Variants in ANXA10 observed in about 807,000 individuals in gnomAD.
ANXA10 encodes annexin A10, also known as annexin 14.
In ANXA10, 49 loss-of-function variants were observed where a neutral mutation model predicts 53.5. That is an observed-to-expected ratio of 0.92 (90% confidence interval 0.73 to 1.16). The LOEUF is 1.16. Among genes scored for constraint, ANXA10 ranks in the 50% most tolerant of loss-of-function variants. ANXA10 has a pLI of 0.00. For missense variants in ANXA10, 393 were observed against 394.4 expected, an observed-to-expected ratio of 1.00 and a Z score of 0.03; for synonymous variants, 131 against 128.9, an observed-to-expected ratio of 1.02 and a Z score of -0.11.
At chr4:168,106,442 G>A (rs1327981346) in intron 1 of ANXA10, among the ~76,000 whole-genome samples, 3 of 151,964 alleles carry the variant, frequency 2.0e-5, no homozygotes, top group Non-Finnish European at 4.4e-5. Context: ...GTGTTCCATG[G>A]AACTCTTGGA....
rs572368542 is a variant in ANXA10, at chr4:168,118,082, C to T, written c.19-10002C>T. On this transcript the variant is annotated intron_variant, in intron 1 of 11. Transcript: ENST00000359299. ...TGCAAACTCCACACAGTATCACTGC[C>T]GGAGATTCTTTTTTTTTTTTTTCCT... Among the ~76,000 whole-genome samples the T allele has an allele frequency of 1.3e-4, 20 of 151,894 alleles. No homozygotes were observed. The East Asian group carries it at 2.5e-3, about 19-fold the overall frequency.
chr4:168,100,466 C>T (rs1730621741), intron 1 of ANXA10, among the ~76,000 whole-genome samples: 1 of 151,978 alleles, frequency 6.6e-6, no homozygotes, highest in Non-Finnish European at 1.5e-5. Flanking sequence ...AACTTTTTCC[C>T]TCCTTAAGCC....
chr4:168,114,149 C>T (rs566687424), intron 1 of ANXA10, among the ~76,000 whole-genome samples: 1 of 152,328 alleles, frequency 6.6e-6, no homozygotes, highest in African/African-American at 2.4e-5. Flanking sequence ...TATTATCCAA[C>T]ATTAGGTAAT....
chr4:168,153,465 A>AAAAAAAAAAAAT (rs1731539737), intron 3 of ANXA10, among the ~76,000 whole-genome samples: 1 of 110,146 alleles, frequency 9.1e-6, no homozygotes, highest in Non-Finnish European at 2.0e-5. Flanking sequence ...AAAACAAAAA[A>AAAAAAAAAAAAT]AAAAACCAAT....
chr4:168,146,177 G>A (rs1731403952), intron 3 of ANXA10, among the ~76,000 whole-genome samples: 1 of 152,120 alleles, frequency 6.6e-6, no homozygotes, highest in Non-Finnish European at 1.5e-5. Flanking sequence ...TCAAAGTGCT[G>A]GGATTGCAGG....
At chr4:168,119,235 A>G (rs113544521) in intron 1 of ANXA10, among the ~76,000 whole-genome samples, 161 of 152,316 alleles carry the variant, frequency 1.1e-3, no homozygotes, top group African/African-American at 3.5e-3. Context: ...AGCCCATAAA[A>G]CTATCTCAGG....
chr4:168,112,952 G>A (rs1730834649), intron 1 of ANXA10, among the ~76,000 whole-genome samples: 1 of 152,038 alleles, frequency 6.6e-6, no homozygotes, highest in Non-Finnish European at 1.5e-5. Flanking sequence ...TAATTTGGGA[G>A]GCAAAGGTTG....
chr4:168,098,676 G>T (rs1730591954), intron 1 of ANXA10, among the ~76,000 whole-genome samples: 1 of 151,906 alleles, frequency 6.6e-6, no homozygotes. Context: ...GCTTCCTGGG[G>T]CCTATTTTTC....
At chr4:168,145,085 C>G (rs1368907814) in intron 3 of ANXA10, among the ~76,000 whole-genome samples, 1 of 152,128 alleles carries the variant, frequency 6.6e-6, no homozygotes, top group East Asian at 1.9e-4. Flanking sequence ...CAAAGCTGTC[C>G]TCCTCCACTG....
intron 3 of ANXA10, among the ~76,000 whole-genome samples, chr4:168,159,400 C>A (rs1053353824): frequency 6.6e-6 from 1 of 152,056 alleles, no homozygotes; most frequent in Non-Finnish European, 1.5e-5. Context: ...CAATACTGGC[C>A]AGATAAGGTA....
intron 1 of ANXA10, among the ~76,000 whole-genome samples, chr4:168,108,818 A>G (rs1006399389): frequency 2.0e-5 from 3 of 152,156 alleles, no homozygotes; most frequent in African/African-American, 7.2e-5. Context: ...ACACATTTCA[A>G]GTTCTCTGGG....
Position 168,155,486 on chromosome 4 carries a change from A to T in ANXA10, c.196-7042A>T, listed in dbSNP as rs1234401983. On this transcript the variant is annotated intron_variant, in intron 3 of 11. Coordinates refer to ENST00000359299, the MANE Select transcript of ANXA10 (RefSeq NM_007193.5). Reference sequence around the variant, plus strand: ...AATATATAATTATAAATTATATATTATATAATATATAATTATATATTATAA... The same window carrying T: ...AATATATAATTATAAATTATATATTTTATAATATATAATTATATATTATAA... Among the ~76,000 whole-genome samples the T allele has an allele frequency of 3.0e-3, 68 of 22,736 alleles. 4 individuals carry two copies. The highest frequency in any genetic ancestry group is 0.017 in the East Asian group (30 of 1,748). The allele number at this position is 22,736 out of a possible 152,430, so 14.9% of individuals were successfully genotyped here.
At chr4:168,161,400 T>C (rs7677555) in intron 3 of ANXA10, among the ~76,000 whole-genome samples, 1 of 151,886 alleles carries the variant, frequency 6.6e-6, no homozygotes, top group Non-Finnish European at 1.5e-5. Flanking sequence ...GAGTTTTCTA[T>C]TCTGTTCCAT....
chr4:168,137,087 A>G (rs1475682171), intron 2 of ANXA10, among the ~76,000 whole-genome samples: 1 of 152,214 alleles, frequency 6.6e-6, no homozygotes, highest in African/African-American at 2.4e-5. Flanking sequence ...GCTGGGATGC[A>G]GAGAGCAGTG....
At chr4:168,106,904 A>G (rs1730728638) in intron 1 of ANXA10, among the ~76,000 whole-genome samples, 1 of 152,170 alleles carries the variant, frequency 6.6e-6, no homozygotes, top group African/African-American at 2.4e-5. Context: ...AAAGAAAGTT[A>G]AATCATATAG....
At chr4:168,149,262 G>A (rs1021537259) in intron 3 of ANXA10, among the ~76,000 whole-genome samples, 3 of 152,064 alleles carry the variant, frequency 2.0e-5, no homozygotes, top group African/African-American at 4.8e-5. Context: ...AAGTCTGTCC[G>A]TCTCATTCAC....
chr4:168,182,932 C>A (rs564789090), intron 10 of ANXA10, among the ~76,000 whole-genome samples: 1 of 149,732 alleles, frequency 6.7e-6, no homozygotes, highest in South Asian at 2.1e-4. Context: ...ATGGCCTGAA[C>A]CCTGGAGGCG....
Position 168,179,339 on chromosome 4 carries a change from A to G in ANXA10, c.724+27A>G, listed in dbSNP as rs368827822. On this transcript the variant is annotated intron_variant, in intron 9 of 11. Transcript: ENST00000359299. Reference sequence around the variant, plus strand: ...TAAGTAATAAATTATTTGAAGCACAACAGACATTTTATTTCTCTATAAATG... The same window carrying G: ...TAAGTAATAAATTATTTGAAGCACAGCAGACATTTTATTTCTCTATAAATG... 5.7e-5 allele frequency: 84 copies of G among 1,485,992 alleles called. No homozygotes were observed. In the African/African-American group the frequency reaches 8.4e-4, roughly 15 times the overall value. The allele number at this position is 1,485,992 out of a possible 1,614,324, so 92.1% of individuals were successfully genotyped here.
At chr4:168,145,169 T>C (rs1167367316) in intron 3 of ANXA10, among the ~76,000 whole-genome samples, 3 of 152,172 alleles carry the variant, frequency 2.0e-5, no homozygotes, top group African/African-American at 7.2e-5. Context: ...GCTAATCCAC[T>C]GAGCACGGGG....
Sources: gnomAD v4.1 joint callset for allele counts (sites outside exome capture counted in the v4.1 genomes callset) on GRCh38, gnomAD v4.1.1 for gene constraint, MANE v1.5 for transcripts, NCBI Gene and HGNC (gene_info 2026-07-23, HGNC 2026-07-21) for gene names.